The following OXR1 variants were observed in gnomAD, a reference collection of about 807,000 sequenced individuals.
The protein encoded by OXR1 is oxidation resistance 1, also known as oxidation resistance protein 1.
Under a neutral mutation model 104.6 loss-of-function variants are expected in OXR1, and 41 were observed. The observed-to-expected ratio is 0.39, with a 90% CI of 0.31 to 0.51. The LOEUF is 0.51. OXR1 is among the 20% of genes least tolerant of loss of function. The pLI is 0.77. For synonymous variants in OXR1, 348 were observed against 348.4 expected (o/e 1.00, Z 0.01); for missense variants, 955 against 1,031.9 (o/e 0.93, Z 1.02).
At chr8:106,671,151 C>CA (rs35468140) in intron 3 of OXR1, among the ~76,000 whole-genome samples, 22,396 of 114,406 alleles carry the variant, frequency 0.2, 1,885 homozygotes, top group East Asian at 0.42. Flanking sequence ...ACACCAAAGG[C>CA]AAAAAAAAAA....
intron 2 of OXR1, among the ~76,000 whole-genome samples, chr8:106,474,475 G>A (rs1467942648): frequency 6.6e-6 from 1 of 151,484 alleles, no homozygotes; most frequent in African/African-American, 2.4e-5. Flanking sequence ...TCTAAATCTG[G>A]CCTATTGACT....
intron 2 of OXR1, among the ~76,000 whole-genome samples, chr8:106,481,864 AT>A (rs1198864234): frequency 1.3e-5 from 2 of 152,062 alleles, no homozygotes; most frequent in African/African-American, 4.8e-5. Context: ...ATGCAAATGA[AT>A]TATGGGTAGA....
chr8:106,697,418 G>A, intron 7 of OXR1: 1 of 1,470,250 alleles, frequency 6.8e-7, no homozygotes, highest in Non-Finnish European at 9.4e-7. Context: ...AAGGCCTGGG[G>A]TGGGATCAAA....
chr8:106,711,893 A>G (rs1325954939), intron 10 of OXR1, among the ~76,000 whole-genome samples: 1 of 152,174 alleles, frequency 6.6e-6, no homozygotes, highest in Admixed American at 6.6e-5. Flanking sequence ...CTCTACTTCT[A>G]AGATAATGCT....
chr8:106,395,041 A>G (rs910327647), intron 2 of OXR1, among the ~76,000 whole-genome samples: 8 of 19,866 alleles, frequency 4.0e-4, no homozygotes, highest in African/African-American at 1.5e-3. Flanking sequence ...ACTTTAGAAA[A>G]CATTGACATT....
At chr8:106,363,267 A>G (rs961207911) in intron 2 of OXR1, among the ~76,000 whole-genome samples, 3 of 152,228 alleles carry the variant, frequency 2.0e-5, no homozygotes, top group Non-Finnish European at 4.4e-5. Flanking sequence ...AAGTGATCAA[A>G]TAGCTCTGAT....
chr8:106,633,869 C>A (rs887132600), intron 3 of OXR1, among the ~76,000 whole-genome samples: 1 of 152,178 alleles, frequency 6.6e-6, no homozygotes, highest in Admixed American at 6.5e-5. Flanking sequence ...TGAGGATTTG[C>A]TCCAAACTGC....
At chr8:106,717,906 C>G (rs1308285678) in intron 11 of OXR1, among the ~76,000 whole-genome samples, 1 of 151,996 alleles carries the variant, frequency 6.6e-6, no homozygotes, top group Non-Finnish European at 1.5e-5. Context: ...TCTGTTTAAA[C>G]ATATTCAGTG....
At chr8:106,380,659 T>C (rs1817105435) in intron 2 of OXR1, among the ~76,000 whole-genome samples, 1 of 152,216 alleles carries the variant, frequency 6.6e-6, no homozygotes, top group Non-Finnish European at 1.5e-5. Context: ...GTTACAGTCA[T>C]CCTAGTGGGT....
At chr8:106,622,486 C>CA (rs1821799157) in intron 3 of OXR1, among the ~76,000 whole-genome samples, 2 of 106,498 alleles carry the variant, frequency 1.9e-5, no homozygotes, top group Non-Finnish European at 4.2e-5. Context: ...CACACACACA[C>CA]CCCTTACTTC....
At chr8:106,660,368 T>G (rs891409415) in intron 3 of OXR1, among the ~76,000 whole-genome samples, 1 of 152,226 alleles carries the variant, frequency 6.6e-6, no homozygotes, top group African/African-American at 2.4e-5. Flanking sequence ...TTTGAAGGAT[T>G]TCTTCTGCTC....
rs1469295353 is a variant in OXR1, at chr8:106,319,541, T to C, written c.-138-39935T>C. Reference sequence around the variant, plus strand: ...TGGTCTAGAAGAGAAAATCAAACTCTAAGGGAATTTTAAAAGCCCTTTTTG... The same window carrying C: ...TGGTCTAGAAGAGAAAATCAAACTCCAAGGGAATTTTAAAAGCCCTTTTTG... On this transcript the variant is annotated intron_variant, in intron 1 of 16. Coordinates refer to ENST00000517566, the MANE Select transcript of OXR1 (RefSeq NM_001198533.2). Among the ~76,000 whole-genome samples, 6 of 152,346 alleles carry C rather than the reference T, an allele frequency of 3.9e-5. No individual in the cohort carries two copies. In the East Asian group the frequency reaches 1.2e-3, roughly 29 times the overall value.
intron 1 of OXR1, among the ~76,000 whole-genome samples, chr8:106,345,957 C>T (rs372238574): frequency 6.6e-6 from 1 of 151,994 alleles, no homozygotes; most frequent in Non-Finnish European, 1.5e-5. Flanking sequence ...AAAATTTGAT[C>T]ATTCGGTAAA....
At chr8:106,536,974 A>C (rs1814586909) in intron 3 of OXR1, among the ~76,000 whole-genome samples, 1 of 152,102 alleles carries the variant, frequency 6.6e-6, no homozygotes, top group Non-Finnish European at 1.5e-5. Context: ...ATTACCCTAG[A>C]ATGGGTGGTT....
chr8:106,527,557 C>T (rs1813782330), intron 3 of OXR1, among the ~76,000 whole-genome samples: 1 of 152,164 alleles, frequency 6.6e-6, no homozygotes, highest in Admixed American at 6.5e-5. Context: ...TTCCTCCTGC[C>T]TAGAATAGTG....
At chr8:106,626,278 A>T (rs1822153259) in intron 3 of OXR1, among the ~76,000 whole-genome samples, 4 of 151,794 alleles carry the variant, frequency 2.6e-5, no homozygotes, top group Admixed American at 2.6e-4. Flanking sequence ...TTAACTAAAA[A>T]GCCGTTTCAC....
chr8:106,472,862 T>A (rs1821592339), intron 2 of OXR1, among the ~76,000 whole-genome samples: 1 of 151,838 alleles, frequency 6.6e-6, no homozygotes, highest in South Asian at 2.1e-4. Flanking sequence ...GTGACTAAAT[T>A]TTTACAGCTG....
intron 2 of OXR1, among the ~76,000 whole-genome samples, chr8:106,510,365 G>C (rs1038134676): frequency 6.6e-6 from 1 of 152,060 alleles, no homozygotes; most frequent in Non-Finnish European, 1.5e-5. Flanking sequence ...TTGATCTGGT[G>C]GTGTGCACTT....
chr8:106,507,067 A>G (rs1812213537), intron 2 of OXR1, among the ~76,000 whole-genome samples: 1 of 152,172 alleles, frequency 6.6e-6, no homozygotes, highest in Non-Finnish European at 1.5e-5. Context: ...CCTAGGAGAC[A>G]CAGTGAGAGC....
Sources: gnomAD v4.1 joint callset for allele counts (sites outside exome capture counted in the v4.1 genomes callset) on GRCh38, gnomAD v4.1.1 for gene constraint, MANE v1.5 for transcripts, NCBI Gene and HGNC (gene_info 2026-07-23, HGNC 2026-07-21) for gene names.